The following SEMA3E variants were observed in gnomAD, a reference collection of about 807,000 sequenced individuals.
SEMA3E encodes semaphorin 3E.
A neutral mutation model predicts 93.6 loss-of-function variants in SEMA3E; 49 were observed. The ratio of observed to expected loss-of-function variants is 0.52; its 90% CI spans 0.42 to 0.66. The LOEUF (loss-of-function observed/expected upper bound fraction) is 0.66. SEMA3E is among the 30% of genes least tolerant of loss of function. SEMA3E has a pLI of 0.00. For missense variants in SEMA3E, 906 were observed against 964.8 expected (o/e 0.94, Z 0.81); for synonymous variants, 363 against 330.7 (o/e 1.10, Z -1.06).
At chr7:83,457,492 C>T (rs1032378472) in intron 4 of SEMA3E, among the ~76,000 whole-genome samples, 8 of 152,126 alleles carry the variant, frequency 5.3e-5, no homozygotes, top group African/African-American at 1.7e-4. Flanking sequence ...ATTAGAATTG[C>T]TTTTTAATTC....
intron 14 of SEMA3E, among the ~76,000 whole-genome samples, chr7:83,387,912 C>T (rs981009573): frequency 3.9e-5 from 5 of 127,680 alleles, no homozygotes; most frequent in African/African-American, 1.6e-4. Flanking sequence ...ATATAAAATT[C>T]CAGAATATAT....
intron 1 of SEMA3E, among the ~76,000 whole-genome samples, chr7:83,496,495 G>C (rs913119346): frequency 6.6e-6 from 1 of 151,684 alleles, no homozygotes; most frequent in Admixed American, 6.6e-5. Context: ...TAAACTATCC[G>C]AAATAATTAC....
At chr7:83,493,649 C>A (rs1422596452) in intron 1 of SEMA3E, among the ~76,000 whole-genome samples, 1 of 151,854 alleles carries the variant, frequency 6.6e-6, no homozygotes, top group African/African-American at 2.4e-5. Flanking sequence ...CTACCCTGAC[C>A]AATGCCATTC....
chr7:83,618,328 G>A (rs949229439), intron 1 of SEMA3E, among the ~76,000 whole-genome samples: 15 of 152,056 alleles, frequency 9.9e-5, no homozygotes, highest in African/African-American at 1.7e-4. Flanking sequence ...CTCAGATACC[G>A]TGGAATCTTT....
intron 1 of SEMA3E, among the ~76,000 whole-genome samples, chr7:83,557,787 A>T (rs1256092777): frequency 6.6e-6 from 1 of 152,168 alleles, no homozygotes; most frequent in Non-Finnish European, 1.5e-5. Context: ...AGCTAGCTCA[A>T]TGTGCATCCC....
chr7:83,382,140 T>C (rs1351832932), intron 16 of SEMA3E, among the ~76,000 whole-genome samples: 2 of 152,036 alleles, frequency 1.3e-5, no homozygotes, highest in Non-Finnish European at 2.9e-5. Flanking sequence ...AAGCTGTATT[T>C]AGAATTTTGA....
At chr7:83,378,906 A>C (rs1372383331) in intron 16 of SEMA3E, among the ~76,000 whole-genome samples, 2 of 151,860 alleles carry the variant, frequency 1.3e-5, no homozygotes, top group Non-Finnish European at 2.9e-5. Flanking sequence ...GAATATACCT[A>C]AAGGGAAAGA....
intron 2 of SEMA3E, among the ~76,000 whole-genome samples, chr7:83,470,866 T>A (rs990168722): frequency 8.9e-6 from 1 of 112,024 alleles, no homozygotes; most frequent in African/African-American, 3.3e-5. Context: ...CATTTTCTTT[T>A]TTTTTTTTTT....
intron 1 of SEMA3E, among the ~76,000 whole-genome samples, chr7:83,589,117 C>G (rs2115938200): frequency 6.6e-6 from 1 of 152,320 alleles, no homozygotes; most frequent in South Asian, 2.1e-4. Context: ...ACTTCATTGG[C>G]TCAGCCAATT....
At chr7:83,532,794 G>T (rs28574961) in intron 1 of SEMA3E, among the ~76,000 whole-genome samples, 1 of 146,850 alleles carries the variant, frequency 6.8e-6, no homozygotes, top group African/African-American at 2.5e-5. Flanking sequence ...TTTAAAAAAA[G>T]AAAGAAAACA....
Position 83,548,254 on chromosome 7 carries a change from A to G in SEMA3E, c.116-57980T>C, listed in dbSNP as rs375360264. 4.6e-5 allele frequency among the ~76,000 whole-genome samples: 7 copies of G among 152,234 alleles called. No individual in the cohort carries two copies. In the East Asian group the frequency reaches 1.2e-3, roughly 25 times the overall value. On this transcript the variant is annotated intron_variant, in intron 1 of 16. Transcript: ENST00000643230. The stretch of plus-strand genomic sequence containing the variant: ...CATTGATGCTATAATTTTGGAAGCA[A>G]TTAAAAATATTTAATGACTAAGTTT...
intron 15 of SEMA3E, 98 bp downstream of exon 15, chr7:83,386,885 G>T: frequency 9.6e-7 from 1 of 1,043,100 alleles, no homozygotes; most frequent in Non-Finnish European, 1.5e-6. Context: ...TAGTATACAT[G>T]AATCACAAAG....
intron 1 of SEMA3E, among the ~76,000 whole-genome samples, chr7:83,646,110 C>T (rs888145797): frequency 2.0e-5 from 3 of 151,890 alleles, no homozygotes; most frequent in East Asian, 1.9e-4. Context: ...GGTCAGGCAG[C>T]GGTACAGAGA....
intron 14 of SEMA3E, among the ~76,000 whole-genome samples, chr7:83,390,353 C>A (rs1041017697): frequency 2.6e-5 from 4 of 151,496 alleles, no homozygotes; most frequent in Non-Finnish European, 5.9e-5. Context: ...CTCAAAATTG[C>A]GTATTATTCT....
At chr7:83,526,598 G>C (rs893907447) in intron 1 of SEMA3E, among the ~76,000 whole-genome samples, 9 of 151,956 alleles carry the variant, frequency 5.9e-5, no homozygotes, top group African/African-American at 1.7e-4. Flanking sequence ...GTTTTTTCTT[G>C]ATTTGTGCCT....
intron 2 of SEMA3E, among the ~76,000 whole-genome samples, chr7:83,479,160 C>T (rs116745522): frequency 0.012 from 1,760 of 152,256 alleles, 32 homozygotes; most frequent in African/African-American, 0.04. Flanking sequence ...CTATTTACTT[C>T]AGCCGAAAAC....
At chr7:83,595,093 AC>A (rs747943189) in intron 1 of SEMA3E, among the ~76,000 whole-genome samples, 3 of 152,092 alleles carry the variant, frequency 2.0e-5, no homozygotes, top group Non-Finnish European at 4.4e-5. Flanking sequence ...GGAAGGCTAA[AC>A]TAAAGAGAAT....
At chr7:83,583,699 A>G (rs1792560634) in intron 1 of SEMA3E, among the ~76,000 whole-genome samples, 1 of 152,204 alleles carries the variant, frequency 6.6e-6, no homozygotes, top group African/African-American at 2.4e-5. Flanking sequence ...AGATGTTGAC[A>G]TGTGAAATTT....
At chr7:83,385,766 C>CA (rs1787867687) in intron 15 of SEMA3E, among the ~76,000 whole-genome samples, 1 of 152,008 alleles carries the variant, frequency 6.6e-6, no homozygotes, top group Non-Finnish European at 1.5e-5. Flanking sequence ...AAGGGAACAC[C>CA]AAAGCACAGG....
Sources: gnomAD v4.1 joint callset for allele counts (sites outside exome capture counted in the v4.1 genomes callset) on GRCh38, gnomAD v4.1.1 for gene constraint, MANE v1.5 for transcripts, NCBI Gene and HGNC (gene_info 2026-07-23, HGNC 2026-07-21) for gene names.